The following DNM3 variants were observed in gnomAD, a reference collection of about 807,000 sequenced individuals.
DNM3 encodes the protein dynamin-3.
DNM3 carries 47 observed loss-of-function variants against 101.6 expected under a neutral mutation model. The observed-to-expected ratio is 0.46, with a 90% CI of 0.37 to 0.59. The LOEUF (loss-of-function observed/expected upper bound fraction) is 0.59. Among genes scored for constraint, DNM3 ranks in the 20% least tolerant of loss-of-function variants. The pLI is 0.00. For missense variants in DNM3, 849 were observed against 1,085.7 expected (o/e 0.78, Z 3.06); for synonymous variants, 385 against 387.9 (o/e 0.99, Z 0.09).
Position 172,411,582 on chromosome 1 carries a change from T to G in DNM3, c.*3741T>G, listed in dbSNP as rs1480099189. On this transcript the variant is annotated 3_prime_UTR_variant, in exon 21 of 21. Coordinates refer to ENST00000627582, the MANE Select transcript of DNM3 (RefSeq NM_015569.5). ...CATAGCAACATTAAAGTAGTGGATTTTTCTGAGTAAATTTGCTGAAAATAT... is the reference window on the plus strand; with the variant it reads ...CATAGCAACATTAAAGTAGTGGATTGTTCTGAGTAAATTTGCTGAAAATAT... 1 of 984,982 alleles carries G rather than the reference T, an allele frequency of 1.0e-6. No individual in the cohort carries two copies. Among genetic ancestry groups the G allele is most frequent in the Admixed American group, 6.2e-5 (1 of 16,258 alleles). The allele number at this position is 984,982 out of a possible 1,614,324, so 61.0% of individuals were successfully genotyped here.
At chr1:172,129,273 C>G (rs567932689) in intron 13 of DNM3, among the ~76,000 whole-genome samples, 1 of 152,168 alleles carries the variant, frequency 6.6e-6, no homozygotes, top group Non-Finnish European at 1.5e-5. Flanking sequence ...TGTGTGCATG[C>G]ACGGGCTTCA....
chr1:172,161,963 C>T (rs1020521029), intron 14 of DNM3, among the ~76,000 whole-genome samples: 1 of 151,922 alleles, frequency 6.6e-6, no homozygotes, highest in Admixed American at 6.6e-5. Flanking sequence ...TTGGCTGTCT[C>T]GTTTTCTAAA....
chr1:171,897,112 G>A (rs182627943), intron 1 of DNM3, among the ~76,000 whole-genome samples: 19 of 152,202 alleles, frequency 1.2e-4, no homozygotes, highest in Admixed American at 1.0e-3. Flanking sequence ...GTAACATTGC[G>A]TTAGGGGCAG....
intron 13 of DNM3, among the ~76,000 whole-genome samples, chr1:172,096,121 A>C (rs934928214): frequency 6.6e-6 from 1 of 152,218 alleles, no homozygotes; most frequent in African/African-American, 2.4e-5. Context: ...TTACTGAAAC[A>C]TCACTTCTGC....
intron 15 of DNM3, among the ~76,000 whole-genome samples, chr1:172,265,989 C>G (rs2062844330): frequency 1.3e-5 from 2 of 152,312 alleles, no homozygotes; most frequent in Middle Eastern, 6.8e-3. Context: ...CCTCCTCCCC[C>G]TTTTCCTATA....
At chr1:171,994,676 A>C (rs1299451146) in intron 4 of DNM3, among the ~76,000 whole-genome samples, 1 of 150,662 alleles carries the variant, frequency 6.6e-6, no homozygotes, top group African/African-American at 2.4e-5. Flanking sequence ...CTCATTCCCA[A>C]GTTTTCCTTT....
At chr1:171,901,410 G>A (rs2038345472) in intron 1 of DNM3, among the ~76,000 whole-genome samples, 1 of 151,968 alleles carries the variant, frequency 6.6e-6, no homozygotes, top group Admixed American at 6.6e-5. Context: ...AACAATTCAG[G>A]CCCTTGCACA....
intron 20 of DNM3, among the ~76,000 whole-genome samples, chr1:172,403,736 AAC>A (rs2070681403): frequency 6.6e-6 from 1 of 152,280 alleles, no homozygotes; most frequent in East Asian, 1.9e-4. Context: ...GCCCACATAC[AAC>A]ACAGTGTTTC....
Position 172,340,845 on chromosome 1 carries a change from T to C in DNM3, c.1893+17505T>C, listed in dbSNP as rs547260226. On this transcript the variant is annotated intron_variant, in intron 17 of 20. Coordinates refer to ENST00000627582, the MANE Select transcript of DNM3 (RefSeq NM_015569.5). The stretch of plus-strand genomic sequence containing the variant: ...CCAAGACTTCCAATACTGTGTTGAA[T>C]AGGAGTTGGGAGAGAGGGCATTCTT... Among the ~76,000 whole-genome samples, 11 of 152,346 alleles carry C rather than the reference T, an allele frequency of 7.2e-5. No individual in the cohort carries two copies. The South Asian group carries it at 1.7e-3, about 23-fold the overall frequency.
chr1:172,038,898 C>G (rs747323739), intron 7 of DNM3, among the ~76,000 whole-genome samples: 3 of 151,056 alleles, frequency 2.0e-5, no homozygotes, highest in Admixed American at 6.6e-5. Flanking sequence ...GAATGAGAAC[C>G]AAGGGTTTAA....
chr1:172,050,694 T>A (rs770892819), intron 10 of DNM3, among the ~76,000 whole-genome samples: 6 of 152,154 alleles, frequency 3.9e-5, no homozygotes, highest in Non-Finnish European at 7.4e-5. Flanking sequence ...ATGTTCTCCC[T>A]CCACTGTAAA....
chr1:172,065,914 C>A (rs1336539209), intron 10 of DNM3, among the ~76,000 whole-genome samples: 5 of 152,034 alleles, frequency 3.3e-5, no homozygotes, highest in Non-Finnish European at 7.4e-5. Flanking sequence ...AGACTTGCAG[C>A]AATGGAAGAT....
intron 1 of DNM3, chr1:171,864,227 C>T (rs1374920844): frequency 1.3e-5 from 2 of 152,214 alleles, no homozygotes; most frequent in Non-Finnish European, 1.5e-5. Flanking sequence ...TAAAATGCTG[C>T]ATTTTCTTGG....
chr1:172,015,294 A>G (rs1001389324), intron 4 of DNM3, among the ~76,000 whole-genome samples: 3 of 152,180 alleles, frequency 2.0e-5, no homozygotes, highest in Admixed American at 2.0e-4. Context: ...GTTTGTTGAT[A>G]TCCACAAAAT....
intron 2 of DNM3, among the ~76,000 whole-genome samples, chr1:171,950,556 G>A (rs941022464): frequency 1.3e-5 from 2 of 152,092 alleles, no homozygotes; most frequent in African/African-American, 4.8e-5. Context: ...AACTTATGAT[G>A]GATTTATTAG....
At chr1:172,080,688 G>T (rs1259933495) in intron 11 of DNM3, among the ~76,000 whole-genome samples, 1 of 152,144 alleles carries the variant, frequency 6.6e-6, no homozygotes, top group Non-Finnish European at 1.5e-5. Flanking sequence ...AAGAACTTCT[G>T]CATCTAGCTC....
intron 20 of DNM3, chr1:172,394,256 G>A (rs1370673471): frequency 1.3e-5 from 2 of 152,180 alleles, no homozygotes; most frequent in Admixed American, 6.5e-5. Context: ...GCCACGGTTC[G>A]GATGACTGGC....
intron 11 of DNM3, among the ~76,000 whole-genome samples, chr1:172,074,584 G>C (rs1462457450): frequency 6.6e-6 from 1 of 151,908 alleles, no homozygotes; most frequent in Non-Finnish European, 1.5e-5. Flanking sequence ...TTCTGTCCTT[G>C]TGATATTTTG....
intron 1 of DNM3, among the ~76,000 whole-genome samples, chr1:171,855,245 A>G (rs1299509593): frequency 6.6e-6 from 1 of 152,174 alleles, no homozygotes; most frequent in Non-Finnish European, 1.5e-5. Flanking sequence ...TCCATGGTAT[A>G]TATGTACCAT....
Sources: gnomAD v4.1 joint callset for allele counts (sites outside exome capture counted in the v4.1 genomes callset) on GRCh38, gnomAD v4.1.1 for gene constraint, MANE v1.5 for transcripts, NCBI Gene and HGNC (gene_info 2026-07-23, HGNC 2026-07-21) for gene names.